The following SPATA31H1 variants were observed in gnomAD, a reference collection of about 807,000 sequenced individuals.
SPATA31H1 encodes spermatogenesis-associated protein 31H1.
the SPATA31H1 span, chr2:27,581,242 C>A: frequency 6.2e-7 from 1 of 1,614,100 alleles, no homozygotes; most frequent in African/African-American, 1.3e-5. Flanking sequence ...TCTGAGAGAA[C>A]CCGTCATAAC....
chr2:27,551,189 G>A, the SPATA31H1 span, among the ~76,000 whole-genome samples: 1 of 151,660 alleles, frequency 6.6e-6, no homozygotes, highest in African/African-American at 2.4e-5. Context: ...TGTGCCTGGC[G>A]GATGCTTTTC....
chr2:27,560,610 T>A, the SPATA31H1 span, among the ~76,000 whole-genome samples: 1 of 151,892 alleles, frequency 6.6e-6, no homozygotes, highest in East Asian at 1.9e-4. Context: ...GGCGCCCGCC[T>A]CCACACCCAG....
At chr2:27,559,876 CTTTTTTT>C in the SPATA31H1 span, among the ~76,000 whole-genome samples, 1 of 149,038 alleles carries the variant, frequency 6.7e-6, no homozygotes, top group Admixed American at 6.7e-5. Flanking sequence ...TTTCTTTTTT[CTTTTTTT>C]TTGAGATGGA....
At chr2:27,566,892 A>C in the SPATA31H1 span, 4 of 717,598 alleles carry the variant, frequency 5.6e-6, no homozygotes, top group Non-Finnish European at 7.8e-6. Flanking sequence ...TTCATCATGC[A>C]ATGACTCCAG....
At chr2:27,580,657 A>G in the SPATA31H1 span, 106 of 1,614,114 alleles carry the variant, frequency 6.6e-5, no homozygotes, top group Admixed American at 1.8e-3. Flanking sequence ...CGGGCATTCC[A>G]AACAGCACAC....
At chr2:27,539,971 T>G in the SPATA31H1 span, among the ~76,000 whole-genome samples, 12 of 48,862 alleles carry the variant, frequency 2.5e-4, no homozygotes, top group East Asian at 8.3e-4. Flanking sequence ...GGGGGGCTGA[T>G]CCCCCCACCT....
chr2:27,550,702 A>C, the SPATA31H1 span, among the ~76,000 whole-genome samples: 1 of 151,822 alleles, frequency 6.6e-6, no homozygotes, highest in Non-Finnish European at 1.5e-5. Flanking sequence ...TATAAGCATG[A>C]GTCACTGCGC....
At chr2:27,539,945 G>A in the SPATA31H1 span, among the ~76,000 whole-genome samples, 6 of 132,846 alleles carry the variant, frequency 4.5e-5, no homozygotes, top group African/African-American at 1.4e-4. Context: ...CTCCCGGACG[G>A]GGCGGCTGGC....
the SPATA31H1 span, chr2:27,582,336 G>A: frequency 4.3e-6 from 7 of 1,614,030 alleles, no homozygotes; most frequent in African/African-American, 9.3e-5. Context: ...GAGGCCCTCT[G>A]GGAGGAACCA....
the SPATA31H1 span, chr2:27,576,031 T>C: frequency 2.5e-6 from 1 of 398,526 alleles, no homozygotes; most frequent in Non-Finnish European, 4.4e-6. Context: ...TCAAAGCTTC[T>C]ACGTGCAGCA....
the SPATA31H1 span, among the ~76,000 whole-genome samples, chr2:27,563,385 CTTTTTTTTTTT>C: frequency 5.8e-5 from 4 of 68,730 alleles, no homozygotes; most frequent in South Asian, 7.7e-4. Flanking sequence ...TCTTCTACTT[CTTTTTTTTTTT>C]TTTTTTTTTT....
chr2:27,571,676 A>G, the SPATA31H1 span: 1 of 398,440 alleles, frequency 2.5e-6, no homozygotes, highest in Non-Finnish European at 4.4e-6. Context: ...TGAAACCTGA[A>G]GAACTGACCT....
chr2:27,582,356 C>G, the SPATA31H1 span: 1 of 1,614,212 alleles, frequency 6.2e-7, no homozygotes, highest in South Asian at 1.1e-5. Context: ...ATTGCAGTCC[C>G]TCTGAGAGGA....
chr2:27,539,519 TCC>T, the SPATA31H1 span, among the ~76,000 whole-genome samples: 2 of 120,692 alleles, frequency 1.7e-5, no homozygotes, highest in African/African-American at 6.8e-5. Flanking sequence ...TCTACTTCTA[TCC>T]ACACAGACCC....
the SPATA31H1 span, chr2:27,568,372 T>A: frequency 2.5e-6 from 1 of 398,864 alleles, no homozygotes; most frequent in Non-Finnish European, 4.4e-6. Flanking sequence ...CAAAGTCAAG[T>A]CATGGAACAA....
At chr2:27,564,472 G>C in the SPATA31H1 span, among the ~76,000 whole-genome samples, 1 of 151,942 alleles carries the variant, frequency 6.6e-6, no homozygotes, top group Non-Finnish European at 1.5e-5. Context: ...CCTTAATTTT[G>C]GCCTGTAAGG....
the SPATA31H1 span, among the ~76,000 whole-genome samples, chr2:27,541,287 C>G: frequency 2.0e-5 from 3 of 151,754 alleles, no homozygotes; most frequent in South Asian, 2.1e-4. Flanking sequence ...CGCAGGCACT[C>G]GGCAGGCTGA....
chr2:27,537,570 G>A, the SPATA31H1 span: 1 of 717,118 alleles, frequency 1.4e-6, no homozygotes. Context: ...TAAACTCAGA[G>A]GTATGTGATG....
chr2:27,576,989 A>G, the SPATA31H1 span: 1 of 1,614,110 alleles, frequency 6.2e-7, no homozygotes, highest in Non-Finnish European at 8.5e-7. Flanking sequence ...TCCCACAGCC[A>G]AAGTATCAAA....
Sources: gnomAD v4.1 joint callset for allele counts (sites outside exome capture counted in the v4.1 genomes callset) on GRCh38, gnomAD v4.1.1 for gene constraint, MANE v1.5 for transcripts, NCBI Gene and HGNC (gene_info 2026-07-23, HGNC 2026-07-21) for gene names.